PLXNA4: variants seen among roughly 807,000 people sequenced by gnomAD.
The protein encoded by PLXNA4 is plexin A4.
PLXNA4 carries 44 observed loss-of-function variants against 191.8 expected under a neutral mutation model. The ratio of observed to expected loss-of-function variants is 0.23; its 90% CI spans 0.18 to 0.29. The LOEUF is 0.29. Among genes scored for constraint, PLXNA4 ranks in the 10% least tolerant of loss-of-function variants. The pLI is 1.00. For missense variants in PLXNA4, 1,800 were observed against 2,488.8 expected, an observed-to-expected ratio of 0.72 and a Z score of 5.89; for synonymous variants, 1,082 against 1,009.5, an observed-to-expected ratio of 1.07 and a Z score of -1.36.
intron 3 of PLXNA4, among the ~76,000 whole-genome samples, chr7:132,377,526 A>T (rs1804709250): frequency 6.6e-6 from 1 of 152,124 alleles, no homozygotes; most frequent in Non-Finnish European, 1.5e-5. Context: ...GCAAGATGTG[A>T]CATCCTCTCC....
chr7:132,543,849 G>A (rs144780023), intron 1 of PLXNA4, among the ~76,000 whole-genome samples: 84 of 152,340 alleles, frequency 5.5e-4, no homozygotes, highest in African/African-American at 1.9e-3. Flanking sequence ...AAATCAGGAA[G>A]GAGAGTTGAC....
At chr7:132,187,740 C>T (rs1054441102) in intron 14 of PLXNA4, 133 bp from the exon 15 acceptor site, 7 of 1,430,072 alleles carry the variant, frequency 4.9e-6, no homozygotes, top group African/African-American at 1.4e-5. Context: ...CCCAGAGAAC[C>T]AGGGCAGTTC....
intron 1 of PLXNA4, among the ~76,000 whole-genome samples, chr7:132,550,451 C>T (rs1563166007): frequency 6.6e-6 from 1 of 152,188 alleles, no homozygotes; most frequent in African/African-American, 2.4e-5. Flanking sequence ...GGACCTCTTC[C>T]AGGCTAGGAT....
At chr7:132,433,685 G>C (rs955483490) in intron 3 of PLXNA4, among the ~76,000 whole-genome samples, 1 of 152,124 alleles carries the variant, frequency 6.6e-6, no homozygotes, top group Admixed American at 6.5e-5. Flanking sequence ...CCCCTTAGAA[G>C]GAGAGGCCCC....
rs548975721 is a variant in PLXNA4 at position 132,476,378 on chromosome 7, C to A, written c.1371+12914G>T. Among the ~76,000 whole-genome samples, 48 of 152,264 alleles carry A rather than the reference C, an allele frequency of 3.2e-4. 1 individual carries two copies. The South Asian group carries it at 1.0e-2, about 32-fold the overall frequency. ...TTCCCCAGGCATCATCAATATGATG[C>A]GAGTTTAAGACATGTTGGCCAAAAA... On this transcript the variant is annotated intron_variant, in intron 3 of 31. Coordinates refer to ENST00000321063, the MANE Select transcript of PLXNA4 (RefSeq NM_020911.2).
chr7:132,438,032 C>T (rs537599710), intron 3 of PLXNA4, among the ~76,000 whole-genome samples: 2 of 152,286 alleles, frequency 1.3e-5, no homozygotes, highest in African/African-American at 2.4e-5. Context: ...TGGTTGTGTA[C>T]GGTTGTGGTT....
At chr7:132,180,473 C>T in intron 19 of PLXNA4, 113 bp downstream of exon 19, 1 of 1,500,774 alleles carries the variant, frequency 6.7e-7, no homozygotes, top group Non-Finnish European at 9.0e-7. Flanking sequence ...GGGGTAGCTA[C>T]AGGAAAAGTT....
At chr7:132,360,441 A>C (rs1241677344) in intron 3 of PLXNA4, among the ~76,000 whole-genome samples, 1 of 152,188 alleles carries the variant, frequency 6.6e-6, no homozygotes, top group Admixed American at 6.5e-5. Context: ...AGGAGATTAT[A>C]AGGATCAGAG....
intron 3 of PLXNA4, among the ~76,000 whole-genome samples, chr7:132,318,917 C>A (rs1802057042): frequency 6.6e-6 from 1 of 152,142 alleles, no homozygotes; most frequent in African/African-American, 2.4e-5. Context: ...TTTTCTCCTG[C>A]AGCCAGCAGG....
At chr7:132,216,838 T>G (rs1012860495) in intron 9 of PLXNA4, among the ~76,000 whole-genome samples, 1 of 152,134 alleles carries the variant, frequency 6.6e-6, no homozygotes, top group Non-Finnish European at 1.5e-5. Flanking sequence ...CACCCAAAAC[T>G]CCTCAAAAAC....
chr7:132,486,517 G>T (rs1001961508), intron 3 of PLXNA4, among the ~76,000 whole-genome samples: 1 of 152,228 alleles, frequency 6.6e-6, no homozygotes, highest in Non-Finnish European at 1.5e-5. Flanking sequence ...AGCCGGGCTT[G>T]AGCAAAACCA....
At chr7:132,616,873 C>G (rs1278500122) in intron 2 of PLXNA4, among the ~76,000 whole-genome samples, 1 of 152,092 alleles carries the variant, frequency 6.6e-6, no homozygotes, top group Non-Finnish European at 1.5e-5. Flanking sequence ...TCCAGACAGA[C>G]AGAAGGACCC....
chr7:132,534,128 T>G (rs1799736602), intron 1 of PLXNA4, among the ~76,000 whole-genome samples: 1 of 152,016 alleles, frequency 6.6e-6, no homozygotes, highest in East Asian at 1.9e-4. Context: ...AGCTTGAGTG[T>G]GTGTAGTAGT....
At chr7:132,644,407 A>G (rs1803814922) in intron 2 of PLXNA4, among the ~76,000 whole-genome samples, 1 of 152,196 alleles carries the variant, frequency 6.6e-6, no homozygotes, top group South Asian at 2.1e-4. Context: ...AAAGCAAACA[A>G]TAGACTTGGT....
intron 4 of PLXNA4, among the ~76,000 whole-genome samples, chr7:132,268,364 A>C (rs1440241416): frequency 1.3e-5 from 2 of 152,254 alleles, no homozygotes; most frequent in Non-Finnish European, 2.9e-5. Flanking sequence ...ACCATGCATG[A>C]CAGTTTCCTC....
chr7:132,346,830 CAGA>C lies in PLXNA4; in HGVS notation c.1372-48611_1372-48609del, dbSNP rs534162583. Among the ~76,000 whole-genome samples, 66 of 152,150 alleles carry C rather than the reference CAGA, an allele frequency of 4.3e-4. 1 individual carries two copies. The highest frequency in any genetic ancestry group is 7.9e-4 in the Non-Finnish European group (54 of 68,026). The stretch of plus-strand genomic sequence containing the variant: ...CAGGCTCCTAGAGAAAGTATATTTG[CAGA>C]AGTTCAGGTAGATATTATTGATGAG... On this transcript the variant is annotated intron_variant, in intron 3 of 31. Transcript: ENST00000321063.
chr7:132,359,325 G>T (rs536026234), intron 3 of PLXNA4, among the ~76,000 whole-genome samples: 93 of 149,154 alleles, frequency 6.2e-4, no homozygotes, highest in Non-Finnish European at 9.6e-4. Context: ...GAGTCAAGCA[G>T]TTCTCCTGCC....
chr7:132,479,986 A>G (rs1797276021), intron 3 of PLXNA4, among the ~76,000 whole-genome samples: 1 of 152,086 alleles, frequency 6.6e-6, no homozygotes, highest in Admixed American at 6.6e-5. Context: ...AAGAGGTTTG[A>G]CTATATAAAG....
At chr7:132,547,779 G>A (rs570035196) in intron 1 of PLXNA4, among the ~76,000 whole-genome samples, 1 of 152,174 alleles carries the variant, frequency 6.6e-6, no homozygotes, top group Non-Finnish European at 1.5e-5. Flanking sequence ...GAGGCAACAA[G>A]AGAGTTTGTT....
Sources: allele counts gnomAD v4.1 joint callset (sites outside exome capture counted in the v4.1 genomes callset), GRCh38; gene constraint gnomAD v4.1.1; transcripts MANE v1.5; gene names NCBI Gene and HGNC (gene_info 2026-07-23, HGNC 2026-07-21).